Variants in MAP7 observed in about 807,000 individuals in gnomAD.
The protein encoded by MAP7 is microtubule associated protein 7, also known as ensconsin.
A neutral mutation model predicts 94.8 loss-of-function variants in MAP7; 52 were observed. That is an observed-to-expected ratio of 0.55 (90% CI 0.44 to 0.69). MAP7 has a LOEUF of 0.69. Among genes scored for constraint, MAP7 ranks in the 30% least tolerant of loss-of-function variants. MAP7 has a pLI of 0.00. For synonymous variants in MAP7, 350 were observed against 357.0 expected (o/e 0.98, Z 0.22); for missense variants, 940 against 964.6 (o/e 0.97, Z 0.34).
At chr6:136,466,190 T>TA (rs1257442919) in intron 1 of MAP7, among the ~76,000 whole-genome samples, 2 of 151,814 alleles carry the variant, frequency 1.3e-5, no homozygotes, top group Non-Finnish European at 2.9e-5. Flanking sequence ...CAAAACAAAA[T>TA]AAAAAAATAA....
intron 1 of MAP7, among the ~76,000 whole-genome samples, chr6:136,437,315 A>G (rs1334244153): frequency 2.6e-5 from 4 of 152,118 alleles, no homozygotes; most frequent in Non-Finnish European, 5.9e-5. Flanking sequence ...GCAGGAACCA[A>G]TGCAGGTTTC....
chr6:136,418,038 C>T (rs548385499), intron 2 of MAP7, among the ~76,000 whole-genome samples: 74 of 152,308 alleles, frequency 4.9e-4, no homozygotes, highest in African/African-American at 1.8e-3. Flanking sequence ...GAAGAACCAT[C>T]TCCCACTTCT....
intron 1 of MAP7, among the ~76,000 whole-genome samples, chr6:136,458,770 C>T (rs1306471038): frequency 6.6e-6 from 1 of 151,972 alleles, no homozygotes; most frequent in East Asian, 1.9e-4. Context: ...ATGGATTAAA[C>T]ACCTAAATGT....
At chr6:136,531,468 A>G (rs1828471587) in intron 1 of MAP7, among the ~76,000 whole-genome samples, 1 of 144,584 alleles carries the variant, frequency 6.9e-6, no homozygotes, top group Non-Finnish European at 1.5e-5. Flanking sequence ...TAAAGATGAC[A>G]GATGGGGTGC....
At chr6:136,451,529 C>T (rs1301856293) in intron 1 of MAP7, among the ~76,000 whole-genome samples, 1 of 152,172 alleles carries the variant, frequency 6.6e-6, no homozygotes, top group South Asian at 2.1e-4. Flanking sequence ...TGTTTTCACG[C>T]CTGCTATCAC....
At chr6:136,488,964 T>A (rs1815648015) in intron 1 of MAP7, among the ~76,000 whole-genome samples, 1 of 152,168 alleles carries the variant, frequency 6.6e-6, no homozygotes, top group Admixed American at 6.5e-5. Context: ...ACAGTGGTTT[T>A]ACTATGTTGC....
intron 2 of MAP7, chr6:136,420,404 C>T: frequency 1.9e-6 from 1 of 533,486 alleles, no homozygotes; most frequent in Non-Finnish European, 3.4e-6. Flanking sequence ...GGGAACTCAG[C>T]TACCAGGTCC....
intron 1 of MAP7, among the ~76,000 whole-genome samples, chr6:136,438,694 A>T (rs566057986): frequency 1.3e-5 from 2 of 152,340 alleles, no homozygotes; most frequent in South Asian, 4.1e-4. Context: ...TGATGAATAC[A>T]CAATACAGTC....
intron 1 of MAP7, among the ~76,000 whole-genome samples, chr6:136,475,661 A>C (rs1258764763): frequency 6.6e-6 from 1 of 152,216 alleles, no homozygotes; most frequent in Non-Finnish European, 1.5e-5. Context: ...CCAGAATTTT[A>C]TTATCAAAAA....
At chr6:136,476,589 A>G (rs1810997940) in intron 1 of MAP7, among the ~76,000 whole-genome samples, 1 of 152,226 alleles carries the variant, frequency 6.6e-6, no homozygotes, top group African/African-American at 2.4e-5. Flanking sequence ...AATAGAGGAT[A>G]TAAGAGATTT....
chr6:136,474,076 A>G (rs1404849155), intron 1 of MAP7, among the ~76,000 whole-genome samples: 6 of 152,238 alleles, frequency 3.9e-5, no homozygotes, highest in African/African-American at 1.4e-4. Context: ...AAGCCAAGAA[A>G]TGAGTGCTTC....
intron 1 of MAP7, among the ~76,000 whole-genome samples, chr6:136,505,277 G>GTATGTATATATATATA (rs1821126348): frequency 1.9e-5 from 1 of 53,810 alleles, no homozygotes; most frequent in African/African-American, 8.1e-5. Flanking sequence ...GTGTGTGTGT[G>GTATGTATATATATATA]TATATATATA....
At chr6:136,357,957 A>G (rs946970265) in intron 15 of MAP7, among the ~76,000 whole-genome samples, 2 of 152,176 alleles carry the variant, frequency 1.3e-5, no homozygotes, top group African/African-American at 2.4e-5. Flanking sequence ...AACATATGAT[A>G]GGTCTGTAAA....
chr6:136,487,573 G>A (rs1025709848), intron 1 of MAP7, among the ~76,000 whole-genome samples: 3 of 152,098 alleles, frequency 2.0e-5, no homozygotes, highest in Admixed American at 6.6e-5. Context: ...GCCAGGCATG[G>A]TGGTGTGTGC....
At chr6:136,465,839 C>T (rs752367762) in intron 1 of MAP7, among the ~76,000 whole-genome samples, 17 of 152,030 alleles carry the variant, frequency 1.1e-4, no homozygotes, top group Non-Finnish European at 2.1e-4. Context: ...ATATACCTCA[C>T]GTATGTCTCC....
intron 16 of MAP7, among the ~76,000 whole-genome samples, chr6:136,348,020 C>A (rs994168998): frequency 2.7e-5 from 4 of 147,042 alleles, no homozygotes; most frequent in South Asian, 4.7e-4. Context: ...TGCCCCCCCC[C>A]CCAAGTCACG....
At chr6:136,403,602 CT>C (rs1784772404) in intron 3 of MAP7, among the ~76,000 whole-genome samples, 1 of 152,232 alleles carries the variant, frequency 6.6e-6, no homozygotes, top group Admixed American at 6.5e-5. Context: ...AGGTCCTGAT[CT>C]TCCAATGCCA....
chr6:136,360,483 G>A (rs374845257), intron 13 of MAP7, among the ~76,000 whole-genome samples: 6 of 152,282 alleles, frequency 3.9e-5, no homozygotes, highest in Admixed American at 2.0e-4. Flanking sequence ...CAAGAAAGTT[G>A]GAACTGCCTT....
chr6:136,478,416 G>A (rs1811623298), intron 1 of MAP7, among the ~76,000 whole-genome samples: 1 of 150,740 alleles, frequency 6.6e-6, no homozygotes, highest in Admixed American at 6.7e-5. Flanking sequence ...GACCCTGTCT[G>A]TACCAAAAAA....
Sources: gnomAD v4.1 joint callset for allele counts (sites outside exome capture counted in the v4.1 genomes callset) on GRCh38, gnomAD v4.1.1 for gene constraint, MANE v1.5 for transcripts, NCBI Gene and HGNC (gene_info 2026-07-23, HGNC 2026-07-21) for gene names.